Variants in PCDH15 observed in about 807,000 individuals in gnomAD.
The protein encoded by PCDH15 is protocadherin-15.
A neutral mutation model predicts 178.5 loss-of-function variants in PCDH15; 129 were observed. The ratio of observed to expected loss-of-function variants is 0.72; its 90% CI spans 0.63 to 0.84. The LOEUF is 0.84. Among genes scored for constraint, PCDH15 ranks in the 40% least tolerant of loss-of-function variants. The pLI is 0.00. For missense variants in PCDH15, 2,230 were observed against 2,099.9 expected (o/e 1.06, Z -1.21); for synonymous variants, 800 against 732.0 (o/e 1.09, Z -1.50).
At chr10:55,514,055 AT>A (rs903371485) in intron 2 of PCDH15, among the ~76,000 whole-genome samples, 15 of 151,672 alleles carry the variant, frequency 9.9e-5, no homozygotes, top group African/African-American at 2.7e-4. Context: ...TATTAATAAG[AT>A]TTTTTTTTAC....
At chr10:54,037,473 A>G (rs763466695) in intron 18 of PCDH15, among the ~76,000 whole-genome samples, 2 of 151,952 alleles carry the variant, frequency 1.3e-5, no homozygotes, top group Non-Finnish European at 2.9e-5. Flanking sequence ...AGACTTGCTG[A>G]AGGTTCAGAT....
chr10:55,138,496 T>C (rs1838263462), intron 2 of PCDH15, among the ~76,000 whole-genome samples: 1 of 152,136 alleles, frequency 6.6e-6, no homozygotes, highest in African/African-American at 2.4e-5. Context: ...AACTCTGCGT[T>C]TCCCCCAATG....
intron 19 of PCDH15, 116 bp from the exon 20 acceptor site, chr10:54,020,532 G>A: frequency 9.7e-7 from 1 of 1,030,468 alleles, no homozygotes; most frequent in Non-Finnish European, 1.5e-6. Context: ...AGGACAAAAA[G>A]ACACGTTTTT....
chr10:55,548,253 CAAACAT>C (rs1841934651), intron 2 of PCDH15, among the ~76,000 whole-genome samples: 1 of 144,476 alleles, frequency 6.9e-6, no homozygotes, highest in African/African-American at 2.7e-5. Flanking sequence ...CACACACACA[CAAACAT>C]GATCCTAATG....
intron 3 of PCDH15, among the ~76,000 whole-genome samples, chr10:54,810,408 GGAGT>G (rs1402221869): frequency 2.0e-5 from 3 of 152,068 alleles, no homozygotes; most frequent in African/African-American, 7.2e-5. Context: ...GTTCTATTAA[GGAGT>G]GAGTGCCTCT....
In PCDH15 at chr10:53,905,071, G is replaced by A. The variant is rs151279521; in HGVS notation, c.3374-1701C>T. On this transcript the variant is annotated intron_variant, in intron 25 of 37. Transcript: ENST00000644397. ...CCCAACCCTAACTTCATATCTGGAT[G>A]GTAACCAAATCCTACATGTCAGCCT... The A allele has an allele frequency of 3.1e-5, 14 of 449,490 alleles. No homozygotes were observed. The East Asian group carries it at 7.5e-4, about 24-fold the overall frequency. 27.8% of individuals were successfully genotyped at this position (449,490 alleles called of 1,614,324 possible). A position where few individuals can be genotyped will look rare whatever the true frequency, so the allele number is the denominator to read the frequency against.
chr10:54,137,144 T>C (rs1310190990), intron 14 of PCDH15, among the ~76,000 whole-genome samples: 1 of 152,220 alleles, frequency 6.6e-6, no homozygotes, highest in Admixed American at 6.5e-5. Flanking sequence ...AACAGCATCA[T>C]TTAAGCACTT....
intron 25 of PCDH15, among the ~76,000 whole-genome samples, chr10:53,913,044 C>T (rs1453031037): frequency 1.3e-5 from 2 of 152,176 alleles, no homozygotes; most frequent in East Asian, 1.9e-4. Flanking sequence ...TCAAGCTATA[C>T]TACAAGGCTA....
chr10:55,336,827 A>G (rs11004817), intron 2 of PCDH15, among the ~76,000 whole-genome samples: 81,179 of 152,026 alleles, frequency 0.53, 22,025 homozygotes, highest in African/African-American at 0.59. Flanking sequence ...AAGCTTGTAC[A>G]AAATAAGTAC....
chr10:55,150,052 G>A (rs889732505), intron 2 of PCDH15, among the ~76,000 whole-genome samples: 1 of 128,154 alleles, frequency 7.8e-6, no homozygotes, highest in Admixed American at 7.8e-5. Flanking sequence ...AAGAGAGAGA[G>A]AGAAGTGAAG....
At chr10:55,437,191 G>A (rs2044251427) in intron 2 of PCDH15, among the ~76,000 whole-genome samples, 1 of 151,334 alleles carries the variant, frequency 6.6e-6, no homozygotes, top group Non-Finnish European at 1.5e-5. Context: ...GATTTACAGA[G>A]GAAGCAGGAG....
chr10:54,478,884 CTA>C (rs2078480241), intron 3 of PCDH15, among the ~76,000 whole-genome samples: 1 of 151,656 alleles, frequency 6.6e-6, no homozygotes, highest in Non-Finnish European at 1.5e-5. Flanking sequence ...ACAGTCAAGT[CTA>C]GAGGCAAAAT....
rs189867885 is a variant in PCDH15 at position 55,307,786 on chromosome 10, A to C, written c.-156+11813T>G. On this transcript the variant is annotated intron_variant, in intron 1 of 5. Coordinates refer to the PCDH15 transcript ENST00000458638. ...ATTCTTCCTCAGACACCATAAAAACATACTTCCTAATAATAATTTTAGATG... is the reference window on the plus strand; with the variant it reads ...ATTCTTCCTCAGACACCATAAAAACCTACTTCCTAATAATAATTTTAGATG... Among the ~76,000 whole-genome samples, 331 of 152,054 alleles carry C rather than the reference A, an allele frequency of 2.2e-3. 1 individual carries two copies. The highest frequency in any genetic ancestry group is 7.8e-3 in the African/African-American group (322 of 41,534).
rs1487483795 is a variant in PCDH15, at chr10:54,451,028, T to C, written c.158-72086A>G. Among the ~76,000 whole-genome samples, 3 of 151,978 alleles carry C rather than the reference T, an allele frequency of 2.0e-5. No individual in the cohort carries two copies. The East Asian group carries it at 5.8e-4, about 29-fold the overall frequency. On this transcript the variant is annotated intron_variant, in intron 3 of 37. Coordinates refer to ENST00000644397, the MANE Select transcript of PCDH15 (RefSeq NM_001384140.1). ...TTCACCTAACTCAAAAATGTAGTATTCTTATACTCAATATCTGCACATTCT... is the reference window on the plus strand; with the variant it reads ...TTCACCTAACTCAAAAATGTAGTATCCTTATACTCAATATCTGCACATTCT...
intron 1 of PCDH15, among the ~76,000 whole-genome samples, chr10:55,196,293 A>C (rs1444667): frequency 0.62 from 93,545 of 151,830 alleles, 29,417 homozygotes; most frequent in East Asian, 0.68. Flanking sequence ...CCTCAAAAAT[A>C]AACATATTAA....
intron 2 of PCDH15, among the ~76,000 whole-genome samples, chr10:55,529,994 AC>A (rs1016098752): frequency 9.2e-5 from 14 of 151,688 alleles, no homozygotes; most frequent in Admixed American, 2.6e-4. Flanking sequence ...GCATAAAAAA[AC>A]AATTACCTGA....
rs775413614 is a variant in PCDH15 at position 55,341,762 on chromosome 10, CATATATATATATATATATATATATAT to C, written c.-155-175137_-155-175112del. On this transcript the variant is annotated intron_variant, in intron 2 of 5. Transcript: ENST00000613346. ...TTTTTTTTGTATATACATACATATGCATATATATATATATATATATATATATATATATATATATATATATTTTTTTT... is the reference window on the plus strand; with the variant it reads ...TTTTTTTTGTATATACATACATATGCATATATATATATATATATTTTTTTT... Among the ~76,000 whole-genome samples, 13 of 44,000 alleles carry C rather than the reference CATATATATATATATATATATATATAT, an allele frequency of 3.0e-4. 1 individual carries two copies. The highest frequency in any genetic ancestry group is 3.7e-4 in the Non-Finnish European group (9 of 24,378). The allele number at this position is 44,000 out of a possible 152,430, so 28.9% of individuals were successfully genotyped here.
At chr10:54,689,241 C>T (rs1425092223) in intron 1 of PCDH15, among the ~76,000 whole-genome samples, 1 of 151,976 alleles carries the variant, frequency 6.6e-6, no homozygotes, top group Non-Finnish European at 1.5e-5. Flanking sequence ...AGTTTATGAG[C>T]TAAGTGATGC....
At chr10:55,398,767 GT>G (rs1554862309) in intron 2 of PCDH15, among the ~76,000 whole-genome samples, 1 of 152,018 alleles carries the variant, frequency 6.6e-6, no homozygotes, top group Non-Finnish European at 1.5e-5. Flanking sequence ...AAGTATTGGG[GT>G]TTTTTAATGT....
Sources: allele counts gnomAD v4.1 joint callset (sites outside exome capture counted in the v4.1 genomes callset), GRCh38; gene constraint gnomAD v4.1.1; transcripts MANE v1.5; gene names NCBI Gene and HGNC (gene_info 2026-07-23, HGNC 2026-07-21).